CYP2A7: variants seen among roughly 807,000 people sequenced by gnomAD.
CYP2A7 encodes cytochrome P450 family 2 subfamily A member 7.
Under a neutral mutation model 42.0 loss-of-function variants are expected in CYP2A7, and 36 were observed. The observed-to-expected ratio is 0.86, with a 90% CI of 0.66 to 1.13. The LOEUF is 1.13. CYP2A7 is among the 50% of genes most tolerant of loss of function. The probability of loss-of-function intolerance (pLI) is 0.00; values close to 1 mark genes in which losing one functional copy is unlikely to be tolerated. For missense variants in CYP2A7, 661 were observed against 634.1 expected (o/e 1.04, Z -0.46); for synonymous variants, 260 against 249.5 (o/e 1.04, Z -0.40).
chr19:40,881,016 G>A (rs905776497), intron 2 of CYP2A7, among the ~76,000 whole-genome samples: 6 of 150,468 alleles, frequency 4.0e-5, no homozygotes, highest in Non-Finnish European at 8.9e-5. Flanking sequence ...GGGAGGGGAA[G>A]TGAGATATGG....
At chr19:40,879,440 C>T (rs546753425) in intron 4 of CYP2A7, among the ~76,000 whole-genome samples, 1 of 151,806 alleles carries the variant, frequency 6.6e-6, no homozygotes, top group South Asian at 2.1e-4. Context: ...CAGGGGATAC[C>T]TGTTGAGGTG....
Position 40,877,210 on chromosome 19 carries a change from G to C in CYP2A7, c.1141C>G (p.Arg381Gly), listed in dbSNP as rs111390860. 2.5e-6 allele frequency: 4 copies of C among 1,612,684 alleles called. No individual in the cohort carries two copies. Among genetic ancestry groups the C allele is most frequent in the African/African-American group, 2.7e-5 (2 of 74,942 alleles). The stretch of plus-strand genomic sequence containing the variant: ...AGCACCTTAGGGAGGAAAAAATCCC[G>C]AAACTTGGTGTCCTTTTTAACCCTG... Reference protein sequence around the residue: ...ARRVKKDTKFRDFFLPKGTEV... With the variant: ...ARRVKKDTKFGDFFLPKGTEV... Residue 381 changes from arginine to glycine, a missense_variant, in exon 7 of 9, where the codon CGG becomes GGG. Physicochemically the swap from Arg to Gly is moderately radical, Grantham distance 125. Around this residue, in one of 3 missense-constraint regions of CYP2A7, gnomAD observed 614 missense variants for 552.4 expected, o/e 1.11. Coordinates refer to ENST00000301146, the MANE Select transcript of CYP2A7 (RefSeq NM_000764.3).
chr19:40,880,266 G>A (rs73032316), intron 3 of CYP2A7, 22 bp from the exon 4 acceptor site: 3 of 1,611,802 alleles, frequency 1.9e-6, no homozygotes, highest in Admixed American at 1.7e-5. Flanking sequence ...GAGGGAGAAG[G>A]GGGTTGGGGA....
intron 4 of CYP2A7, among the ~76,000 whole-genome samples, chr19:40,879,428 T>C (rs140312827): frequency 6.6e-6 from 1 of 151,706 alleles, no homozygotes; most frequent in East Asian, 1.9e-4. Flanking sequence ...GATGTTGAAG[T>C]GCAGGGGATA....
rs1967638666 is a variant in CYP2A7, at chr19:40,880,594, C to G, written c.378G>C (p.Gln126His). 9.4e-6 allele frequency: 15 copies of G among 1,593,268 alleles called. 1 individual carries two copies. In the South Asian group the frequency reaches 1.0e-4, roughly 11 times the overall value. ...GGGTGGCGATGGCAAAGCGCAGGAGCTGCTTGGCGCGCTCCCCGTTGCTGA... is the reference window on the plus strand; with the variant it reads ...GGGTGGCGATGGCAAAGCGCAGGAGGTGCTTGGCGCGCTCCCCGTTGCTGA... The part of the protein sequence containing the change: ...VAFSNGERAK[Q>H]LLRFAIATLR... Residue 126 changes from glutamine to histidine, a missense_variant, in exon 3 of 9, where the codon CAG becomes CAC. Gln to His is a conservative substitution (Grantham distance 24, BLOSUM62 0). Around this residue, in one of 3 missense-constraint regions of CYP2A7, gnomAD observed 614 missense variants for 552.4 expected, o/e 1.11. Coordinates refer to ENST00000301146, the MANE Select transcript of CYP2A7 (RefSeq NM_000764.3).
In CYP2A7 at chr19:40,880,215, T is replaced by C. The variant is rs781724910; in HGVS notation, c.523A>G (p.Ser175Gly). Residue 175 changes from serine (S) to glycine (G), a missense_variant, in exon 4 of 9, where the codon AGC becomes GGC. By Grantham distance (56) the Ser-to-Gly change is moderately conservative (BLOSUM62 0). This residue lies in a region of CYP2A7 where 614 missense variants were observed against 552.4 expected (regional missense o/e 1.11). Transcript: ENST00000301146. Reference protein sequence around the residue: ...GANIDPTFFLSRTVSNVISSI... With the variant: ...GANIDPTFFLGRTVSNVISSI... Reference sequence around the variant, plus strand: ...CTGATGACATTGGAGACTGTGCGGCTCAGGAAGAAGGTGGGATCGATATTG... The same window carrying C: ...CTGATGACATTGGAGACTGTGCGGCCCAGGAAGAAGGTGGGATCGATATTG... 5 of 1,612,594 alleles carry C rather than the reference T, an allele frequency of 3.1e-6. No individual in the cohort carries two copies. In the Admixed American group the frequency reaches 8.4e-5, roughly 27 times the overall value.
Position 40,878,779 on chromosome 19 carries a change from A to G in CYP2A7, c.812T>C (p.Phe271Ser). Reference sequence around the variant, plus strand: ...GTGTACCTCCTGCATGTGGATGAGAAAGGAGTCGATGAAGTCCTGTGGGGA... The same window carrying G: ...GTGTACCTCCTGCATGTGGATGAGAGAGGAGTCGATGAAGTCCTGTGGGGA... Reference protein sequence around the residue: ...PNSPQDFIDSFLIHMQEEEKN... With the variant: ...PNSPQDFIDSSLIHMQEEEKN... The change falls in exon 5 of 9, where the codon TTT becomes TCT. Residue 271 changes from phenylalanine (F) to serine (S), a missense_variant. Physicochemically the swap from Phe to Ser is radical, Grantham distance 155. This residue lies in a region of CYP2A7 where 614 missense variants were observed against 552.4 expected (regional missense o/e 1.11). Transcript: ENST00000301146. 5 of 1,611,332 alleles carry G rather than the reference A, an allele frequency of 3.1e-6. No individual in the cohort carries two copies. Among genetic ancestry groups the G allele is most frequent in the Non-Finnish European group, 4.2e-6 (5 of 1,178,210 alleles).
At chr19:40,877,414 A>G (rs2316212) in intron 6 of CYP2A7, 37 bp from the exon 7 acceptor site, 20,919 of 1,593,870 alleles carry the variant, frequency 0.013, 559 homozygotes, top group South Asian at 0.023. Flanking sequence ...GGTATCTGGG[A>G]GTCTCAGAGC....
At chr19:40,879,040 G>A (rs1967600206) in intron 4 of CYP2A7, 104 bp from the exon 5 acceptor site, 5 of 1,468,178 alleles carry the variant, frequency 3.4e-6, no homozygotes, top group Non-Finnish European at 4.6e-6. Context: ...TGAGTTAAAG[G>A]CATCTGTCTC....
rs937229898 is a variant in CYP2A7 at position 40,881,258 on chromosome 19, C to G, written c.343+331G>C. On this transcript the variant is annotated intron_variant, in intron 2 of 8. Transcript: ENST00000301146. ...CATGGAGAAGCACAGAAGCTGAGAG[C>G]AACAAAAAGACAAATGAAGACAGAG... Among the ~76,000 whole-genome samples, 12 of 151,084 alleles carry G rather than the reference C, an allele frequency of 7.9e-5. 1 individual carries two copies. The highest frequency in any genetic ancestry group is 2.4e-4 in the African/African-American group (10 of 41,308).
chr19:40,877,364 C>A lies in CYP2A7; in HGVS notation c.987G>T (p.Glu329Asp). 1.9e-6 allele frequency: 3 copies of A among 1,611,918 alleles called. No individual in the cohort carries two copies. Among genetic ancestry groups the A allele is most frequent in the Non-Finnish European group, 2.5e-6 (3 of 1,178,492 alleles). ...KHPEVEAKVHEEIDRVIGKNR... is the reference protein window; with the variant it reads ...KHPEVEAKVHDEIDRVIGKNR... ...TCTTGCCGATCACTCTGTCAATCTC[C>A]TCATGGACCTTGGCTGGGGGAGGAG... The change falls in exon 7 of 9, where the codon GAG becomes GAT. Residue 329 changes from glutamate to aspartate, a missense_variant. This residue lies in a region of CYP2A7 where 614 missense variants were observed against 552.4 expected (regional missense o/e 1.11). Transcript: ENST00000301146.
Position 40,878,771 on chromosome 19 carries a change from G to C in CYP2A7, c.820C>G (p.His274Asp), listed in dbSNP as rs540089737. 6.2e-7 allele frequency: 1 copy of C among 1,610,560 alleles called. No individual in the cohort carries two copies. The highest frequency in any genetic ancestry group is 8.5e-7 in the Non-Finnish European group (1 of 1,177,780). ...PQDFIDSFLI[H>D]MQEEEKNPNT... The stretch of plus-strand genomic sequence containing the variant: ...CTGCTGGGGTGTACCTCCTGCATGT[G>C]GATGAGAAAGGAGTCGATGAAGTCC... The change falls in exon 5 of 9, where the codon CAC becomes GAC. Residue 274 changes from histidine to aspartate, a missense_variant. Transcript: ENST00000301146.
rs1465296335 is a variant in CYP2A7, at chr19:40,877,270, T to G, written c.1081A>C (p.Arg361=). 7.4e-6 allele frequency: 12 copies of G among 1,612,824 alleles called. No homozygotes were observed. The highest frequency in any genetic ancestry group is 1.0e-5 in the Non-Finnish European group (12 of 1,179,202). The change falls in exon 7 of 9, where the codon AGA becomes CGA. Residue 361 remains arginine, a synonymous_variant. Transcript: ENST00000301146. ...YMEAVIHEIQ[R]FGDVIPMSLA... Reference sequence around the variant, plus strand: ...CTCATGGGGATCACGTCTCCAAATCTTTGGATCTCGTGGATCACTGCCTCC... The same window carrying G: ...CTCATGGGGATCACGTCTCCAAATCGTTGGATCTCGTGGATCACTGCCTCC...
chr19:40,877,157 T>C (rs1218169656), intron 7 of CYP2A7, 33 bp downstream of exon 7: 1 of 1,602,656 alleles, frequency 6.2e-7, no homozygotes, highest in East Asian at 2.2e-5. Context: ...GGGCTGGAAG[T>C]CCCCGTAGTC....
chr19:40,880,723 G>A (rs1967647054), intron 2 of CYP2A7, 95 bp from the exon 3 acceptor site: 1 of 1,352,064 alleles, frequency 7.4e-7, no homozygotes, highest in African/African-American at 1.6e-5. Context: ...GGAGCAGAGG[G>A]GTAGTGGGGT....
At position 40,880,047 on chromosome 19, in the gene CYP2A7, T is replaced by C. The variant is rs1250774410; in HGVS notation, c.654+37A>G. The stretch of plus-strand genomic sequence containing the variant: ...AGGTAGGGGAGCAGTTGGCAGGTTG[T>C]GGTAGGGGCGTCACGGGCCGGGCTG... On this transcript the variant is annotated intron_variant, in intron 4 of 8. Coordinates refer to ENST00000301146, the MANE Select transcript of CYP2A7 (RefSeq NM_000764.3). The C allele has an allele frequency of 2.5e-6, 4 of 1,606,370 alleles. No individual in the cohort carries two copies. The African/African-American group carries it at 5.4e-5, about 21-fold the overall frequency.
Position 40,880,523 on chromosome 19 carries a change from T to A in CYP2A7, c.449A>T (p.Gln150Leu). 1 of 1,612,246 alleles carries A rather than the reference T, an allele frequency of 6.2e-7. No homozygotes were observed. The highest frequency in any genetic ancestry group is 1.3e-5 in the African/African-American group (1 of 74,844). Residue 150 changes from glutamine (Q) to leucine (L), a missense_variant, in exon 3 of 9, where the codon CAG becomes CTG. Around this residue, in one of 3 missense-constraint regions of CYP2A7, gnomAD observed 614 missense variants for 552.4 expected, o/e 1.11. Transcript: ENST00000301146. ...VGKRGIEERI[Q>L]EESGFLIEAI... is the part of the protein sequence containing the mutation. Reference sequence around the variant, plus strand: ...CTCGATGAGGAAGCCCGACTCCTCCTGGATGCGCTCCTCGATGCCTCGCTT... The same window carrying A: ...CTCGATGAGGAAGCCCGACTCCTCCAGGATGCGCTCCTCGATGCCTCGCTT...
chr19:40,876,433 A>T, intron 8 of CYP2A7, 94 bp downstream of exon 8: 1 of 1,597,136 alleles, frequency 6.3e-7, no homozygotes, highest in Non-Finnish European at 8.6e-7. Context: ...TCCAAGCTGG[A>T]GAAATACCAG....
At chr19:40,878,354 C>A (rs1967583323) in intron 5 of CYP2A7, among the ~76,000 whole-genome samples, 1 of 151,782 alleles carries the variant, frequency 6.6e-6, no homozygotes, top group Non-Finnish European at 1.5e-5. Flanking sequence ...TGCACACGCG[C>A]ATGACCATGC....
Sources: gnomAD v4.1 joint callset for allele counts (sites outside exome capture counted in the v4.1 genomes callset) on GRCh38, gnomAD v4.1.1 for gene constraint, gnomAD v4.1.1 regional missense constraint, MANE v1.5 for transcripts, NCBI Gene and HGNC (gene_info 2026-07-23, HGNC 2026-07-21) for gene names.